DNAAF3: variants seen among roughly 807,000 people sequenced by gnomAD.
DNAAF3 encodes the protein dynein axonemal assembly factor 3.
DNAAF3 carries 40 observed loss-of-function variants against 50.9 expected under a neutral mutation model. That is an observed-to-expected ratio of 0.79 (90% CI 0.61 to 1.02). DNAAF3 has a LOEUF of 1.02. DNAAF3 is among the 50% of genes least tolerant of loss of function. The pLI is 0.00. For missense variants in DNAAF3, 763 were observed against 744.7 expected, an observed-to-expected ratio of 1.02 and a Z score of -0.29; for synonymous variants, 327 against 322.8, an observed-to-expected ratio of 1.01 and a Z score of -0.14.
intron 4 of DNAAF3, among the ~76,000 whole-genome samples, chr19:55,163,493 T>C (rs540558392): frequency 6.6e-6 from 1 of 151,904 alleles, no homozygotes; most frequent in African/African-American, 2.4e-5. Context: ...GGTCTCACTA[T>C]GTTGACCAGG....
chr19:55,161,186 C>T lies in DNAAF3; in HGVS notation c.791G>A (p.Arg264His), dbSNP rs1434966270. 3 of 1,575,440 alleles carry T rather than the reference C, an allele frequency of 1.9e-6. No homozygotes were observed. The highest frequency in any genetic ancestry group is 1.4e-5 in the African/African-American group (1 of 73,950). Reference protein sequence around the residue: ...TLASGRLLSYRGERVAARGYW... With the variant: ...TLASGRLLSYHGERVAARGYW... The stretch of plus-strand genomic sequence containing the variant: ...CCCGCGCGCTGCCACGCGCTCCCCA[C>T]GCTGGAAAAGGAGGGAGAGAGGAGG... Residue 264 changes from arginine (R) to histidine (H), a missense_variant and splice_region_variant, in exon 8 of 12, where the codon CGT (arginine) becomes CAT (histidine). Arg to His is a conservative substitution (Grantham distance 29). Transcript: ENST00000524407. This position sits in a 1 kb window ranked among gnomAD's most constrained non-coding sequence, Gnocchi z 6.4.
intron 4 of DNAAF3, among the ~76,000 whole-genome samples, chr19:55,164,251 C>T (rs1305131956): frequency 4.6e-5 from 7 of 152,254 alleles, no homozygotes; most frequent in African/African-American, 1.7e-4. Flanking sequence ...CAGGCCAAGG[C>T]GGGCGGATCA....
Position 55,165,853 on chromosome 19 carries a change from C to G in DNAAF3, c.228+5G>C, listed in dbSNP as rs372166228. The G allele has an allele frequency of 1.7e-5, 27 of 1,613,630 alleles. No homozygotes were observed. The highest frequency in any genetic ancestry group is 2.0e-5 in the Non-Finnish European group (24 of 1,179,886). On this transcript the variant is annotated splice_donor_5th_base_variant and intron_variant, in intron 3 of 11. Transcript: ENST00000524407. The stretch of plus-strand genomic sequence containing the variant: ...ATCTGGGCTCTCATCTTCATCCCAG[C>G]TCACGTTGAACCTCCTGCGAGGCCA...
At chr19:55,162,091 C>T in intron 5 of DNAAF3, 42 bp downstream of exon 5, 3 of 1,239,876 alleles carry the variant, frequency 2.4e-6, no homozygotes, top group Non-Finnish European at 3.0e-6. Flanking sequence ...TTCCATTATT[C>T]CCGCGGCCAC....
rs1491512560 is a variant in DNAAF3 at position 55,165,022 on chromosome 19, T to TC, written c.322+347_322+348insG. Among the ~76,000 whole-genome samples the TC allele has an allele frequency of 4.3e-3, 194 of 44,858 alleles. 1 individual carries two copies. Among genetic ancestry groups the TC allele is most frequent in the African/African-American group, 0.041 (181 of 4,380 alleles). The allele number at this position is 44,858 out of a possible 152,430, so 29.4% of individuals were successfully genotyped here. A position where few individuals can be genotyped will look rare whatever the true frequency, so the allele number is the denominator to read the frequency against. On this transcript the variant is annotated intron_variant, in intron 4 of 11. Coordinates refer to ENST00000524407, the MANE Select transcript of DNAAF3 (RefSeq NM_001256715.2). ...GGTTTTTAGATGGAGTTTCGCTCTCTTTTTTTTTTTTTTTTTTTTTTTTTT... is the reference window on the plus strand; with the variant it reads ...GGTTTTTAGATGGAGTTTCGCTCTCTCTTTTTTTTTTTTTTTTTTTTTTTTT...
chr19:55,166,428 G>C lies in DNAAF3; in HGVS notation c.-4-11C>G. On this transcript the variant is annotated splice_polypyrimidine_tract_variant and intron_variant, in intron 1 of 11. Coordinates refer to ENST00000524407, the MANE Select transcript of DNAAF3 (RefSeq NM_001256715.2). The surrounding 1 kb of genome is among the most constrained non-coding windows in gnomAD (Gnocchi z 4.0). Reference sequence around the variant, plus strand: ...GGTGTGGTCATCACCCTGCGGAAAAGACATTCTGGGAATCGCACACATTGC... The same window carrying C: ...GGTGTGGTCATCACCCTGCGGAAAACACATTCTGGGAATCGCACACATTGC... 1 of 1,613,938 alleles carries C rather than the reference G, an allele frequency of 6.2e-7. No homozygotes were observed.
rs1420742722 is a variant in DNAAF3 at position 55,160,828 on chromosome 19, G to C, written c.913-53C>G. On this transcript the variant is annotated intron_variant, in intron 8 of 11. Transcript: ENST00000524407. The surrounding 1 kb of genome is among the most constrained non-coding windows in gnomAD (Gnocchi z 4.7). ...GTCGGGGCCAGGATGGCGGGGCGGG[G>C]CTTAGAACGCTGGGAGTCCTCGGTC... 1 of 1,576,920 alleles carries C rather than the reference G, an allele frequency of 6.3e-7. No homozygotes were observed. The highest frequency in any genetic ancestry group is 1.9e-5 in the Admixed American group (1 of 52,142).
intron 4 of DNAAF3, among the ~76,000 whole-genome samples, chr19:55,163,037 T>A (rs1237910271): frequency 7.5e-6 from 1 of 133,314 alleles, no homozygotes; most frequent in South Asian, 2.5e-4. Flanking sequence ...TGAGACGGAG[T>A]CTCGCTCTGT....
rs776426860 is a variant in DNAAF3, at chr19:55,166,374, C to G, written c.40G>C (p.Val14Leu). 4.3e-6 allele frequency: 7 copies of G among 1,613,864 alleles called. No homozygotes were observed. The East Asian group carries it at 1.6e-4, about 36-fold the overall frequency. Reference sequence around the variant, plus strand: ...GCCGGGGACAGGCCCCACCAGGACACGGAGCCGAAGCCGCTGCCGGAGCCG... The same window carrying G: ...GCCGGGGACAGGCCCCACCAGGACAGGGAGCCGAAGCCGCTGCCGGAGCCG... ...PAGSGSGFGS[V>L]SWWGLSPALD... The change falls in exon 2 of 12, where the codon GTG (valine) becomes CTG (leucine). Residue 14 changes from valine (V) to leucine (L), a missense_variant. Transcript: ENST00000524407. This position sits in a 1 kb window ranked among gnomAD's most constrained non-coding sequence, Gnocchi z 4.0.
chr19:55,162,598 A>G (rs1019889173), intron 4 of DNAAF3: 3 of 974,928 alleles, frequency 3.1e-6, no homozygotes, highest in Non-Finnish European at 3.7e-6. Flanking sequence ...AAATAAATAA[A>G]TAAATAACCA....
At chr19:55,163,721 A>T (rs1387181795) in intron 4 of DNAAF3, among the ~76,000 whole-genome samples, 1 of 152,232 alleles carries the variant, frequency 6.6e-6, no homozygotes, top group Non-Finnish European at 1.5e-5. Flanking sequence ...ATACACATAG[A>T]CATACAAATA....
At chr19:55,162,855 A>C (rs2085862277) in intron 4 of DNAAF3, 1 of 221,812 alleles carries the variant, frequency 4.5e-6, no homozygotes, top group African/African-American at 2.3e-5. Context: ...GCCCAGGCTG[A>C]ATGCAGTTGT....
chr19:55,166,137 T>G lies in DNAAF3; in HGVS notation c.86-137A>C. 3 of 1,560,118 alleles carry G rather than the reference T, an allele frequency of 1.9e-6. No individual in the cohort carries two copies. Among genetic ancestry groups the G allele is most frequent in the Non-Finnish European group, 2.6e-6 (3 of 1,152,866 alleles). Reference sequence around the variant, plus strand: ...AGGTTCTAAGGGGAGGTGTTTCCTCTGAGTATTCTGGGATTCGCAGTCCGC... The same window carrying G: ...AGGTTCTAAGGGGAGGTGTTTCCTCGGAGTATTCTGGGATTCGCAGTCCGC... On this transcript the variant is annotated intron_variant, in intron 2 of 11. Coordinates refer to ENST00000524407, the MANE Select transcript of DNAAF3 (RefSeq NM_001256715.2). The surrounding 1 kb of genome is among the most constrained non-coding windows in gnomAD (Gnocchi z 4.0).
At chr19:55,166,647 A>G (rs200365972), upstream of DNAAF3, 371 of 1,613,088 alleles carry the variant, frequency 2.3e-4, no homozygotes, top group African/African-American at 3.7e-3. The surrounding 1 kb of genome is among the most constrained non-coding windows in gnomAD (Gnocchi z 4.0). Flanking sequence ...CAATGGAAGC[A>G]TGTGGGATGG....
Position 55,162,295 on chromosome 19 carries a change from GGA to G in DNAAF3, c.323-7_323-6del, listed in dbSNP as rs1555867915. The stretch of plus-strand genomic sequence containing the variant: ...CCAGGAAGGTCTCGCTTCGCTCTAC[GGA>G]GAGAGGGAGATAATTGCGGGAATGT... On this transcript the variant is annotated splice_region_variant and splice_polypyrimidine_tract_variant and intron_variant, in intron 4 of 11. Coordinates refer to ENST00000524407, the MANE Select transcript of DNAAF3 (RefSeq NM_001256715.2). 2.4e-6 allele frequency: 3 copies of G among 1,248,282 alleles called. No homozygotes were observed. The highest frequency in any genetic ancestry group is 3.0e-6 in the Non-Finnish European group (3 of 988,658). 77.3% of individuals were successfully genotyped at this position (1,248,282 alleles called of 1,614,324 possible).
In DNAAF3 at chr19:55,160,550, C is replaced by T; in HGVS notation, c.1048+90G>A. 6.3e-7 allele frequency: 1 copy of T among 1,587,452 alleles called. No individual in the cohort carries two copies. The highest frequency in any genetic ancestry group is 1.4e-5 in the African/African-American group (1 of 73,602). ...GAATATCAAGAAGCCGTCACTTGCCCAGGCATTCCAAATCATGTCAGTCCA... is the reference window on the plus strand; with the variant it reads ...GAATATCAAGAAGCCGTCACTTGCCTAGGCATTCCAAATCATGTCAGTCCA... On this transcript the variant is annotated intron_variant, in intron 9 of 11. Coordinates refer to ENST00000524407, the MANE Select transcript of DNAAF3 (RefSeq NM_001256715.2). The surrounding 1 kb of genome is among the most constrained non-coding windows in gnomAD (Gnocchi z 4.7).
chr19:55,162,997 C>CTTT (rs576178532), intron 4 of DNAAF3, among the ~76,000 whole-genome samples: 78 of 92,202 alleles, frequency 8.5e-4, no homozygotes, highest in Non-Finnish European at 1.0e-3. Context: ...TTTTCTTTTT[C>CTTT]TTTTTTTTTT....
Position 55,166,608 on chromosome 19 carries a change from A to G in DNAAF3, c.-90T>C, listed in dbSNP as rs1262662934. ...CCGCGGCACTCCACAACCGCTGCCC[A>G]GAGTCCCCGCCCTTTTCGAGGAATC... On this transcript the variant is annotated 5_prime_UTR_variant, in exon 1 of 12. Transcript: ENST00000524407. This position sits in a 1 kb window ranked among gnomAD's most constrained non-coding sequence, Gnocchi z 4.0. The G allele has an allele frequency of 1.2e-5, 20 of 1,614,002 alleles. No homozygotes were observed. In the Admixed American group the frequency reaches 3.2e-4, roughly 26 times the overall value.
chr19:55,166,206 C>T lies in DNAAF3; in HGVS notation c.85+123G>A. Reference sequence around the variant, plus strand: ...GCCCCTGGGAGCGCGCCCTCTGCCGCTGGAGCGTTGGAGAACGTTAGCGCC... The same window carrying T: ...GCCCCTGGGAGCGCGCCCTCTGCCGTTGGAGCGTTGGAGAACGTTAGCGCC... On this transcript the variant is annotated intron_variant, in intron 2 of 11. Transcript: ENST00000524407. The surrounding 1 kb of genome is among the most constrained non-coding windows in gnomAD (Gnocchi z 4.0). 6.5e-7 allele frequency: 1 copy of T among 1,548,212 alleles called. No homozygotes were observed. The highest frequency in any genetic ancestry group is 2.0e-5 in the Admixed American group (1 of 51,016).
Sources: allele counts gnomAD v4.1 joint callset (sites outside exome capture counted in the v4.1 genomes callset), GRCh38; gene constraint gnomAD v4.1.1; non-coding constraint Gnocchi (gnomAD v3.1); transcripts MANE v1.5; gene names NCBI Gene and HGNC (gene_info 2026-07-23, HGNC 2026-07-21).